The following COL5A1 variants were observed in gnomAD, a reference collection of about 807,000 sequenced individuals.
The protein encoded by COL5A1 is collagen alpha-1(V) chain.
COL5A1 carries 16 observed loss-of-function variants against 263.7 expected under a neutral mutation model. The ratio of observed to expected loss-of-function variants is 0.06; its 90% CI spans 0.04 to 0.09. COL5A1 has a LOEUF of 0.09. Ranked by LOEUF, COL5A1 falls within the 10% of genes least tolerant of loss-of-function variation. The pLI, the probability that COL5A1 is intolerant of heterozygous loss-of-function variation, is 1.00. For missense variants in COL5A1, 2,036 were observed against 2,540.5 expected, an observed-to-expected ratio of 0.80 and a Z score of 4.27; for synonymous variants, 1,012 against 1,004.5, an observed-to-expected ratio of 1.01 and a Z score of -0.14.
At chr9:134,837,399 G>A (rs1167326149) in intron 65 of COL5A1, among the ~76,000 whole-genome samples, 2 of 152,070 alleles carry the variant, frequency 1.3e-5, no homozygotes, top group Non-Finnish European at 2.9e-5. Flanking sequence ...GGAGGTTAAA[G>A]GGCAGGCCAG....
chr9:134,689,866 C>T (rs988412534), intron 1 of COL5A1, among the ~76,000 whole-genome samples: 1 of 152,174 alleles, frequency 6.6e-6, no homozygotes, highest in Non-Finnish European at 1.5e-5. Context: ...GTGATGCCAA[C>T]TTCGAGTTTA....
At chr9:134,759,546 C>CAT (rs1388191356) in intron 18 of COL5A1, among the ~76,000 whole-genome samples, 1 of 135,436 alleles carries the variant, frequency 7.4e-6, no homozygotes. Flanking sequence ...CACATGCGCA[C>CAT]ACACACTCAT....
intron 4 of COL5A1, among the ~76,000 whole-genome samples, chr9:134,717,668 C>T (rs866601001): frequency 2.0e-5 from 3 of 152,230 alleles, no homozygotes; most frequent in Non-Finnish European, 4.4e-5. Context: ...GCAGAACAAT[C>T]TCTCATGGAC....
chr9:134,796,655 A>T (rs1360228010), intron 35 of COL5A1, among the ~76,000 whole-genome samples, 193 bp from the exon 36 acceptor site: 1 of 152,120 alleles, frequency 6.6e-6, no homozygotes, highest in Non-Finnish European at 1.5e-5. Flanking sequence ...GATGACAGGA[A>T]ATGGGTCCTG....
At chr9:134,780,666 C>G (rs146258685) in intron 28 of COL5A1, among the ~76,000 whole-genome samples, 2 of 152,224 alleles carry the variant, frequency 1.3e-5, no homozygotes, top group African/African-American at 4.8e-5. Flanking sequence ...CTAAGCAGAT[C>G]ACTGTGGTGA....
intron 4 of COL5A1, among the ~76,000 whole-genome samples, chr9:134,709,519 A>C (rs1833955994): frequency 6.6e-6 from 1 of 152,200 alleles, no homozygotes; most frequent in Non-Finnish European, 1.5e-5. Context: ...TTCCTGCTGC[A>C]GGTGGCTGGT....
intron 1 of COL5A1, among the ~76,000 whole-genome samples, chr9:134,689,648 G>A (rs1833202451): frequency 6.6e-6 from 1 of 152,114 alleles, no homozygotes; most frequent in Admixed American, 6.5e-5. Flanking sequence ...CTTTCTCAAA[G>A]GAAAAAAGCC....
At chr9:134,711,053 G>GA (rs1476237651) in intron 4 of COL5A1, among the ~76,000 whole-genome samples, 1 of 152,012 alleles carries the variant, frequency 6.6e-6, no homozygotes, top group African/African-American at 2.4e-5. Context: ...GGGACCACTT[G>GA]GGGGGGCAGC....
intron 1 of COL5A1, among the ~76,000 whole-genome samples, chr9:134,690,287 G>A (rs776528678): frequency 6.4e-4 from 95 of 148,670 alleles, no homozygotes; most frequent in Non-Finnish European, 9.3e-4. Context: ...ATGGGAAGGC[G>A]ACAGACAGTC....
At chr9:134,785,735 A>G (rs1042268901) in intron 30 of COL5A1, among the ~76,000 whole-genome samples, 3 of 152,210 alleles carry the variant, frequency 2.0e-5, no homozygotes, top group Admixed American at 6.5e-5. Flanking sequence ...TTTGCTCCAC[A>G]GTGGCAAGAC....
intron 11 of COL5A1, among the ~76,000 whole-genome samples, chr9:134,748,261 GCA>G (rs1246724703): frequency 6.7e-6 from 1 of 149,164 alleles, no homozygotes; most frequent in African/African-American, 2.5e-5. Context: ...ATTTACACAT[GCA>G]CACACATGCC....
intron 7 of COL5A1, among the ~76,000 whole-genome samples, chr9:134,731,128 C>T (rs145327223): frequency 5.9e-5 from 9 of 152,354 alleles, no homozygotes; most frequent in Admixed American, 2.0e-4. Context: ...TGCAGAATCT[C>T]CACTGCCAGA....
rs765232806 is a variant in COL5A1, at chr9:134,789,215, A to G, written c.2700+7A>G. On this transcript the variant is annotated splice_region_variant and intron_variant, in intron 32 of 65. Transcript: ENST00000371817. The surrounding 1 kb of genome is among the most constrained non-coding windows in gnomAD (Gnocchi z 4.8). ...TGGAGAGAAGGGCGGCAGGGTAAGG[A>G]TAGCCTGGCCCCTGGGCAGGCAGCT... 2.5e-6 allele frequency: 4 copies of G among 1,612,160 alleles called. No homozygotes were observed. Among genetic ancestry groups the G allele is most frequent in the Non-Finnish European group, 3.4e-6 (4 of 1,179,556 alleles).
At chr9:134,756,737 AT>A in intron 16 of COL5A1, 27 bp from the exon 17 acceptor site, 1 of 1,613,316 alleles carries the variant, frequency 6.2e-7, no homozygotes, top group Non-Finnish European at 8.5e-7. Flanking sequence ...GCTCTTTTGC[AT>A]TGACGGTTTT....
intron 1 of COL5A1, among the ~76,000 whole-genome samples, chr9:134,675,482 G>A (rs556535152): frequency 6.6e-6 from 1 of 152,324 alleles, no homozygotes; most frequent in Admixed American, 6.5e-5. Context: ...CATCTCCTGT[G>A]TATTTCTGTT....
intron 25 of COL5A1, among the ~76,000 whole-genome samples, chr9:134,771,127 G>A (rs1192211146): frequency 6.6e-6 from 1 of 152,278 alleles, no homozygotes; most frequent in East Asian, 1.9e-4. Context: ...GCCTGGAACT[G>A]AGGAAATGAC....
At position 134,647,113 on chromosome 9, in the gene COL5A1, G is replaced by A. The variant is rs1368775263; in HGVS notation, c.109+4817G>A. Among the ~76,000 whole-genome samples the A allele has an allele frequency of 6.6e-6, 1 of 152,178 alleles. No individual in the cohort carries two copies. Among genetic ancestry groups the A allele is most frequent in the Admixed American group, 6.5e-5 (1 of 15,274 alleles). ...AGGAGGAAAGAGCAGTGTTCCCACA[G>A]CCCTCTTTAGCTCCCAGAAGCACAG... On this transcript the variant is annotated intron_variant, in intron 1 of 65. Coordinates refer to ENST00000371817, the MANE Select transcript of COL5A1 (RefSeq NM_000093.5). This position sits in a 1 kb window ranked among gnomAD's most constrained non-coding sequence, Gnocchi z 5.0.
chr9:134,747,135 C>T (rs377438127), intron 11 of COL5A1, among the ~76,000 whole-genome samples: 2 of 152,114 alleles, frequency 1.3e-5, no homozygotes, highest in African/African-American at 4.8e-5. Context: ...ATGGGGGTGG[C>T]GACATTCTTT....
In COL5A1 at chr9:134,741,046, G is replaced by A. The variant is rs937586476; in HGVS notation, c.1494+2238G>A. 3.9e-5 allele frequency among the ~76,000 whole-genome samples: 6 copies of A among 152,172 alleles called. No homozygotes were observed. Among genetic ancestry groups the A allele is most frequent in the African/African-American group, 9.7e-5 (4 of 41,444 alleles). ...TGACCACCCCTCTGGGTCCAGCTCCGGCCAGCCTTGTTCAGGAAGCCATCC... is the reference window on the plus strand; with the variant it reads ...TGACCACCCCTCTGGGTCCAGCTCCAGCCAGCCTTGTTCAGGAAGCCATCC... On this transcript the variant is annotated intron_variant, in intron 11 of 65. Transcript: ENST00000371817. This position sits in a 1 kb window ranked among gnomAD's most constrained non-coding sequence, Gnocchi z 4.5.
Sources: gnomAD v4.1 joint callset for allele counts (sites outside exome capture counted in the v4.1 genomes callset) on GRCh38, gnomAD v4.1.1 for gene constraint, Gnocchi (gnomAD v3.1) non-coding constraint, MANE v1.5 for transcripts, NCBI Gene and HGNC (gene_info 2026-07-23, HGNC 2026-07-21) for gene names.